The following BBX variants were observed in gnomAD, a reference collection of about 807,000 sequenced individuals.
BBX encodes the protein BBX high mobility group box domain containing, also known as HMG box transcription factor BBX.
A neutral mutation model predicts 100.2 loss-of-function variants in BBX; 30 were observed. That is an observed-to-expected ratio of 0.30 (90% CI 0.22 to 0.41). The LOEUF (loss-of-function observed/expected upper bound fraction) is 0.41, where lower values mean the gene tolerates loss of function less well. Among genes scored for constraint, BBX ranks in the 10% least tolerant of loss-of-function variants. The pLI, the probability that BBX is intolerant of heterozygous loss-of-function variation, is 1.00. For missense variants in BBX, 1,023 were observed against 1,129.8 expected (o/e 0.91, Z 1.35); for synonymous variants, 376 against 388.1 (o/e 0.97, Z 0.37).
At chr3:107,790,384 C>A (rs867564910) in intron 14 of BBX, among the ~76,000 whole-genome samples, 3 of 152,118 alleles carry the variant, frequency 2.0e-5, no homozygotes, top group Non-Finnish European at 2.9e-5. Flanking sequence ...CTTCCACCCC[C>A]CCTCGTTTGC....
intron 9 of BBX, among the ~76,000 whole-genome samples, chr3:107,753,014 A>G (rs2049340): frequency 0.14 from 21,009 of 152,264 alleles, 1,850 homozygotes; most frequent in South Asian, 0.29. Context: ...AGCCATCAGC[A>G]TAGATGAGAT....
At chr3:107,777,778 C>G (rs923188509) in intron 12 of BBX, among the ~76,000 whole-genome samples, 2 of 152,108 alleles carry the variant, frequency 1.3e-5, no homozygotes, top group Non-Finnish European at 2.9e-5. Flanking sequence ...TGTCTTCATT[C>G]TAGTCCACTC....
chr3:107,759,351 T>C (rs992327524), intron 10 of BBX, among the ~76,000 whole-genome samples: 13 of 152,206 alleles, frequency 8.5e-5, no homozygotes, highest in Admixed American at 8.5e-4. Flanking sequence ...TGCTTTATGT[T>C]TGGACCTCCA....
At chr3:107,527,443 C>T (rs2047859345) in intron 2 of BBX, among the ~76,000 whole-genome samples, 2 of 152,120 alleles carry the variant, frequency 1.3e-5, no homozygotes, top group South Asian at 4.1e-4. Flanking sequence ...TGTACATTAA[C>T]AAAATTATTG....
intron 3 of BBX, chr3:107,659,543 G>A: frequency 3.2e-6 from 1 of 307,988 alleles, no homozygotes; most frequent in East Asian, 9.8e-5. Flanking sequence ...ACTGGTAGGT[G>A]CTTCTTTTTC....
intron 3 of BBX, among the ~76,000 whole-genome samples, chr3:107,700,875 A>G (rs1378447094): frequency 1.3e-5 from 2 of 151,536 alleles, no homozygotes; most frequent in African/African-American, 4.9e-5. Context: ...AGTCTTTGCT[A>G]TTGTGAATAG....
chr3:107,591,563 C>T (rs2053315380), intron 2 of BBX, among the ~76,000 whole-genome samples: 1 of 152,224 alleles, frequency 6.6e-6, no homozygotes, highest in Non-Finnish European at 1.5e-5. Context: ...TCAGGGCTCA[C>T]TGCAGCCTCA....
At chr3:107,527,183 G>T (rs1213586557) in intron 2 of BBX, among the ~76,000 whole-genome samples, 1 of 152,176 alleles carries the variant, frequency 6.6e-6, no homozygotes, top group African/African-American at 2.4e-5. Context: ...GCAGCACAGT[G>T]AGCCTAATCT....
intron 2 of BBX, among the ~76,000 whole-genome samples, chr3:107,633,543 G>T (rs1056955287): frequency 6.6e-6 from 1 of 152,208 alleles, no homozygotes; most frequent in African/African-American, 2.4e-5. Context: ...GGACATGATT[G>T]ATTTCAGGCA....
chr3:107,580,284 A>G (rs962167133), intron 2 of BBX, among the ~76,000 whole-genome samples: 1 of 151,116 alleles, frequency 6.6e-6, no homozygotes, highest in East Asian at 1.9e-4. Context: ...TGGCTATTTG[A>G]TTTTTAATCT....
At chr3:107,745,852 A>C (rs1308717095) in intron 8 of BBX, among the ~76,000 whole-genome samples, 1 of 152,110 alleles carries the variant, frequency 6.6e-6, no homozygotes, top group Non-Finnish European at 1.5e-5. Flanking sequence ...TGAACCTCTA[A>C]AGATCTAATG....
intron 2 of BBX, among the ~76,000 whole-genome samples, chr3:107,548,945 C>T (rs1000470641): frequency 7.2e-5 from 11 of 152,204 alleles, no homozygotes; most frequent in African/African-American, 2.6e-4. Context: ...ACATTGAATA[C>T]ACCATAGACA....
intron 2 of BBX, among the ~76,000 whole-genome samples, chr3:107,560,572 G>A (rs1353404654): frequency 6.6e-6 from 1 of 152,200 alleles, no homozygotes; most frequent in Non-Finnish European, 1.5e-5. Flanking sequence ...TTATAGAATG[G>A]TATTAGTTGT....
intron 17 of BBX, among the ~76,000 whole-genome samples, chr3:107,804,009 T>A (rs1256425664): frequency 6.6e-6 from 1 of 152,012 alleles, no homozygotes; most frequent in Non-Finnish European, 1.5e-5. Context: ...TTTTAATATC[T>A]TAAAAGTAAA....
chr3:107,786,170 T>C (rs540757992), intron 13 of BBX, among the ~76,000 whole-genome samples: 19 of 152,092 alleles, frequency 1.2e-4, no homozygotes, highest in African/African-American at 4.1e-4. Flanking sequence ...ACAAATATGA[T>C]AGAAATTAAT....
intron 2 of BBX, among the ~76,000 whole-genome samples, chr3:107,533,449 C>T (rs969084755): frequency 6.6e-6 from 1 of 152,086 alleles, no homozygotes; most frequent in Non-Finnish European, 1.5e-5. Flanking sequence ...CTGCTGAAAC[C>T]CTGTGGCTCC....
At chr3:107,557,407 G>A (rs909725032) in intron 2 of BBX, among the ~76,000 whole-genome samples, 2 of 152,142 alleles carry the variant, frequency 1.3e-5, no homozygotes, top group Non-Finnish European at 2.9e-5. Context: ...ATTGGCTAAT[G>A]ACCATTATTC....
chr3:107,697,214 C>T (rs756749165), intron 3 of BBX, among the ~76,000 whole-genome samples: 3 of 151,908 alleles, frequency 2.0e-5, no homozygotes, highest in Non-Finnish European at 4.4e-5. Flanking sequence ...AGTCATTCTC[C>T]GTCCAGCTTT....
chr3:107,748,335 A>G (rs1560089127), intron 9 of BBX, among the ~76,000 whole-genome samples: 1 of 152,154 alleles, frequency 6.6e-6, no homozygotes, highest in South Asian at 2.1e-4. Context: ...GCTTGGAAAA[A>G]CTGCTGTCAA....
Sources: allele counts gnomAD v4.1 joint callset (sites outside exome capture counted in the v4.1 genomes callset), GRCh38; gene constraint gnomAD v4.1.1; transcripts MANE v1.5; gene names NCBI Gene and HGNC (gene_info 2026-07-23, HGNC 2026-07-21).